Variants in ZFYVE9 observed in about 807,000 individuals in gnomAD.
The protein encoded by ZFYVE9 is zinc finger FYVE domain-containing protein 9.
A neutral mutation model predicts 126.7 loss-of-function variants in ZFYVE9; 43 were observed. That is an observed-to-expected ratio of 0.34 (90% CI 0.27 to 0.44). ZFYVE9 has a LOEUF of 0.44. ZFYVE9 is among the 20% of genes least tolerant of loss of function. The pLI is 1.00. For synonymous variants in ZFYVE9, 521 were observed against 597.4 expected (o/e 0.87, Z 1.87); for missense variants, 1,476 against 1,697.0 (o/e 0.87, Z 2.29).
chr1:52,204,462 A>G (rs887543841), intron 1 of ZFYVE9, among the ~76,000 whole-genome samples: 4 of 151,972 alleles, frequency 2.6e-5, no homozygotes, highest in African/African-American at 9.7e-5. Context: ...GGGGTGGCAC[A>G]TGCCTGCTAA....
intron 4 of ZFYVE9, among the ~76,000 whole-genome samples, chr1:52,262,616 GCTTAA>G (rs1027263032): frequency 6.6e-6 from 1 of 152,150 alleles, no homozygotes; most frequent in African/African-American, 2.4e-5. Context: ...GAGATATCGA[GCTTAA>G]CTTAGACTTT....
chr1:52,333,960 G>T (rs1420017789), intron 14 of ZFYVE9, among the ~76,000 whole-genome samples: 2 of 152,098 alleles, frequency 1.3e-5, no homozygotes, highest in African/African-American at 2.4e-5. Flanking sequence ...GGGCATGCTG[G>T]CACATGCCTG....
intron 4 of ZFYVE9, chr1:52,253,898 A>C: frequency 9.1e-7 from 1 of 1,102,952 alleles, no homozygotes; most frequent in South Asian, 1.2e-5. Context: ...ACTCCAAGCA[A>C]GATTTCAGCC....
intron 13 of ZFYVE9, among the ~76,000 whole-genome samples, chr1:52,324,610 C>A (rs979787066): frequency 9.8e-5 from 15 of 152,298 alleles, no homozygotes; most frequent in Non-Finnish European, 1.9e-4. Context: ...CACTGTTTTT[C>A]TCCTCCATTT....
rs564742133 is a variant in ZFYVE9 at position 52,329,962 on chromosome 1, G to C, written c.3439-2806G>C. Among the ~76,000 whole-genome samples, 7 of 152,236 alleles carry C rather than the reference G, an allele frequency of 4.6e-5. No individual in the cohort carries two copies. In the South Asian group the frequency reaches 1.5e-3, roughly 32 times the overall value. Reference sequence around the variant, plus strand: ...CAGCAAAGACAGCAAGGCAAAGTGGGTATGTGCCTGTAGTTCCAGCTACTT... The same window carrying C: ...CAGCAAAGACAGCAAGGCAAAGTGGCTATGTGCCTGTAGTTCCAGCTACTT... On this transcript the variant is annotated intron_variant, in intron 13 of 18. Coordinates refer to ENST00000287727, the MANE Select transcript of ZFYVE9 (RefSeq NM_004799.4).
intron 13 of ZFYVE9, among the ~76,000 whole-genome samples, chr1:52,309,975 T>A (rs1646122993): frequency 1.3e-5 from 2 of 152,238 alleles, no homozygotes; most frequent in East Asian, 1.9e-4. Context: ...TATATATGTA[T>A]TTTTTTGAGA....
At chr1:52,143,606 C>T (rs543438983) in intron 1 of ZFYVE9, among the ~76,000 whole-genome samples, 3 of 152,210 alleles carry the variant, frequency 2.0e-5, no homozygotes, top group East Asian at 1.9e-4. Context: ...ATAATGGGCT[C>T]GTACTGACAG....
intron 13 of ZFYVE9, among the ~76,000 whole-genome samples, chr1:52,324,265 A>G (rs1646269657): frequency 6.6e-6 from 1 of 151,890 alleles, no homozygotes; most frequent in South Asian, 2.1e-4. Context: ...ACACACACAC[A>G]CACACACAAA....
intron 15 of ZFYVE9, among the ~76,000 whole-genome samples, chr1:52,336,360 TTTTTTTTG>T (rs1298922418): frequency 8.8e-5 from 8 of 91,174 alleles, no homozygotes; most frequent in African/African-American, 3.5e-4. Flanking sequence ...ATCTAAGAGG[TTTTTTTTG>T]TTTTTTTTTT....
chr1:52,293,745 CTGTT>C (rs1167774316), intron 11 of ZFYVE9, 68 bp downstream of exon 11: 2 of 1,430,118 alleles, frequency 1.4e-6, no homozygotes, highest in South Asian at 1.3e-5. Context: ...TCAGAGCCCT[CTGTT>C]TGGTGATATA....
chr1:52,175,477 T>A (rs1265760415), intron 1 of ZFYVE9, among the ~76,000 whole-genome samples: 1 of 151,054 alleles, frequency 6.6e-6, no homozygotes, highest in African/African-American at 2.4e-5. Context: ...CTGACAATTA[T>A]GTGTCTTGGA....
intron 10 of ZFYVE9, among the ~76,000 whole-genome samples, chr1:52,285,097 C>G (rs934390522): frequency 5.9e-5 from 9 of 152,244 alleles, no homozygotes; most frequent in East Asian, 1.9e-4. Flanking sequence ...ACCTAAATCA[C>G]AGACCAAGTT....
In ZFYVE9 at chr1:52,216,612, T is replaced by C. The variant is rs557144745; in HGVS notation, c.-37+138T>C. On this transcript the variant is annotated intron_variant, in intron 2 of 18. Transcript: ENST00000287727. ...TATTAAATCAGGAGTATGCTTTTTT[T>C]CAAAAAGATTTGACTTAAATTCAGA... 17 of 394,572 alleles carry C rather than the reference T, an allele frequency of 4.3e-5. No homozygotes were observed. In the South Asian group the frequency reaches 1.3e-3, roughly 30 times the overall value. The allele number at this position is 394,572 out of a possible 1,614,324, so 24.4% of individuals were successfully genotyped here. A position where few individuals can be genotyped will look rare whatever the true frequency, so the allele number is the denominator to read the frequency against.
At chr1:52,268,747 T>C in intron 7 of ZFYVE9, 115 bp downstream of exon 7, 2 of 1,219,722 alleles carry the variant, frequency 1.6e-6, no homozygotes, top group Non-Finnish European at 2.2e-6. Context: ...ACTTAGTGTA[T>C]ACGTGCACAT....
At chr1:52,167,503 G>C (rs1457198001) in intron 1 of ZFYVE9, among the ~76,000 whole-genome samples, 1 of 152,012 alleles carries the variant, frequency 6.6e-6, no homozygotes, top group African/African-American at 2.4e-5. Context: ...CCTTGGTAAT[G>C]TTCTAGAGGT....
chr1:52,204,257 CT>C (rs1644952458), intron 1 of ZFYVE9, among the ~76,000 whole-genome samples: 2 of 152,224 alleles, frequency 1.3e-5, no homozygotes, highest in Non-Finnish European at 1.5e-5. Context: ...GCCTCTGCCC[CT>C]GGACTGTGAA....
chr1:52,324,565 A>G (rs1250067258), intron 13 of ZFYVE9, among the ~76,000 whole-genome samples: 2 of 152,210 alleles, frequency 1.3e-5, no homozygotes, highest in East Asian at 3.8e-4. Flanking sequence ...GCCTTTAGCA[A>G]ACCTCCCTAG....
chr1:52,229,135 T>C (rs1339077289), intron 2 of ZFYVE9, among the ~76,000 whole-genome samples: 1 of 152,142 alleles, frequency 6.6e-6, no homozygotes, highest in African/African-American at 2.4e-5. Flanking sequence ...ACCAAAGTAC[T>C]GGGATTACAG....
chr1:52,250,861 C>G (rs576114791), intron 4 of ZFYVE9, among the ~76,000 whole-genome samples: 1 of 152,064 alleles, frequency 6.6e-6, no homozygotes, highest in East Asian at 1.9e-4. Flanking sequence ...CAGGCGTGCA[C>G]TACCACACCT....
Sources: allele counts gnomAD v4.1 joint callset (sites outside exome capture counted in the v4.1 genomes callset), GRCh38; gene constraint gnomAD v4.1.1; transcripts MANE v1.5; gene names NCBI Gene and HGNC (gene_info 2026-07-23, HGNC 2026-07-21).